Variants in SV2B observed in about 807,000 individuals in gnomAD.
The protein encoded by SV2B is synaptic vesicle glycoprotein 2B.
A neutral mutation model predicts 73.9 loss-of-function variants in SV2B; 41 were observed. The observed-to-expected ratio is 0.56, with a 90% CI of 0.43 to 0.72. SV2B has a LOEUF of 0.72. Ranked by LOEUF, SV2B falls within the 30% of genes least tolerant of loss-of-function variation. The pLI is 0.00. For missense variants in SV2B, 764 were observed against 857.8 expected (o/e 0.89, Z 1.37); for synonymous variants, 314 against 314.2 (o/e 1.00, Z 0.01).
At chr15:91,211,346 T>C (rs2045852565) in intron 1 of SV2B, among the ~76,000 whole-genome samples, 1 of 152,190 alleles carries the variant, frequency 6.6e-6, no homozygotes, top group Admixed American at 6.5e-5. Flanking sequence ...TGTGGCCTTC[T>C]CTTTGATGAC....
chr15:91,153,741 G>C (rs982473366), intron 1 of SV2B, among the ~76,000 whole-genome samples: 2 of 149,832 alleles, frequency 1.3e-5, no homozygotes, highest in African/African-American at 4.9e-5. Flanking sequence ...GACTGCTGAG[G>C]GTCAGTTCCT....
chr15:91,292,201 T>C (rs1259307130), intron 12 of SV2B, among the ~76,000 whole-genome samples, 168 bp from the exon 13 acceptor site: 1 of 152,176 alleles, frequency 6.6e-6, no homozygotes, highest in African/African-American at 2.4e-5. Flanking sequence ...ATCTTTATAT[T>C]ATTCTGTATT....
chr15:91,103,041 A>G (rs1000483207), intron 1 of SV2B, among the ~76,000 whole-genome samples: 1 of 152,164 alleles, frequency 6.6e-6, no homozygotes, highest in East Asian at 1.9e-4. Context: ...CACGGCAGGT[A>G]TTTGAGATAT....
At chr15:91,170,652 A>T (rs997071627) in intron 1 of SV2B, among the ~76,000 whole-genome samples, 2 of 152,224 alleles carry the variant, frequency 1.3e-5, no homozygotes, top group African/African-American at 4.8e-5. Flanking sequence ...TACATTAAAA[A>T]TATCTGACTG....
At chr15:91,266,185 AC>A (rs1218951911) in intron 6 of SV2B, among the ~76,000 whole-genome samples, 1 of 151,192 alleles carries the variant, frequency 6.6e-6, no homozygotes, top group Non-Finnish European at 1.5e-5. Flanking sequence ...AAAAAACAAA[AC>A]CCCCCACTGT....
chr15:91,155,365 C>T (rs2043452511), intron 1 of SV2B, among the ~76,000 whole-genome samples: 1 of 152,200 alleles, frequency 6.6e-6, no homozygotes, highest in Non-Finnish European at 1.5e-5. Flanking sequence ...CCAGTTCTTT[C>T]CCAGCTTAGC....
chr15:91,149,808 G>T (rs572817637), intron 1 of SV2B, among the ~76,000 whole-genome samples: 6 of 152,164 alleles, frequency 3.9e-5, no homozygotes, highest in African/African-American at 1.4e-4. Flanking sequence ...ACTGGTACCT[G>T]TTCCATGATA....
chr15:91,200,570 T>C (rs1162893963), intron 1 of SV2B, among the ~76,000 whole-genome samples: 1 of 152,094 alleles, frequency 6.6e-6, no homozygotes, highest in African/African-American at 2.4e-5. Flanking sequence ...GACAGGTGCA[T>C]GAGAAGGTCA....
chr15:91,192,225 C>T (rs1258988328), intron 1 of SV2B, among the ~76,000 whole-genome samples: 3 of 152,126 alleles, frequency 2.0e-5, no homozygotes, highest in Non-Finnish European at 2.9e-5. Context: ...CACTGTTTGT[C>T]CTAAAAATTA....
At chr15:91,173,680 C>T (rs568307800) in intron 1 of SV2B, among the ~76,000 whole-genome samples, 63 of 152,310 alleles carry the variant, frequency 4.1e-4, no homozygotes, top group Admixed American at 7.2e-4. Flanking sequence ...GAGAAATGTT[C>T]CCAGTCTGTT....
rs562519550 is a variant in SV2B, at chr15:91,109,648, T to C, written c.-392+9285T>C. Among the ~76,000 whole-genome samples the C allele has an allele frequency of 5.3e-5, 8 of 152,320 alleles. No individual in the cohort carries two copies. In the South Asian group the frequency reaches 1.5e-3, roughly 28 times the overall value. On this transcript the variant is annotated intron_variant, in intron 1 of 12. Transcript: ENST00000394232. ...ATGCTCAAGTCAATGAAGACCTTAA[T>C]TGAACTGTAGGATCTTACAGTTTCA...
Position 91,132,367 on chromosome 15 carries a change from T to G in SV2B, c.-392+32004T>G, listed in dbSNP as rs2042680871. On this transcript the variant is annotated intron_variant, in intron 1 of 12. Coordinates refer to ENST00000394232, the MANE Select transcript of SV2B (RefSeq NM_001323032.3). The surrounding 1 kb of genome is among the most constrained non-coding windows in gnomAD (Gnocchi z 4.6). The stretch of plus-strand genomic sequence containing the variant: ...GTCACACACCTGTGCAAACATTGGT[T>G]GCAAAAACAATCAGGGGTTAGGGTG... Among the ~76,000 whole-genome samples the G allele has an allele frequency of 6.6e-6, 1 of 152,200 alleles. No homozygotes were observed. The highest frequency in any genetic ancestry group is 6.5e-5 in the Admixed American group (1 of 15,280).
intron 2 of SV2B, among the ~76,000 whole-genome samples, chr15:91,243,424 A>G (rs2047100259): frequency 6.6e-6 from 1 of 152,206 alleles, no homozygotes; most frequent in Admixed American, 6.5e-5. Context: ...ATCTGTCTTA[A>G]TGCCTCTTCT....
At position 91,115,420 on chromosome 15, in the gene SV2B, G is replaced by A. The variant is rs960964731; in HGVS notation, c.-392+15057G>A. ...AGAGTCTTGCTCTGTTACTCAGGTTGGAGTACAGTAGTGTGATCTTGGCTC... is the reference window on the plus strand; with the variant it reads ...AGAGTCTTGCTCTGTTACTCAGGTTAGAGTACAGTAGTGTGATCTTGGCTC... On this transcript the variant is annotated intron_variant, in intron 1 of 12. Transcript: ENST00000394232. The surrounding 1 kb of genome is among the most constrained non-coding windows in gnomAD (Gnocchi z 4.3). Among the ~76,000 whole-genome samples, 1 of 151,812 alleles carries A rather than the reference G, an allele frequency of 6.6e-6. No individual in the cohort carries two copies. Among genetic ancestry groups the A allele is most frequent in the African/African-American group, 2.4e-5 (1 of 41,312 alleles).
chr15:91,257,204 C>G (rs115268432), intron 4 of SV2B, among the ~76,000 whole-genome samples: 275 of 152,188 alleles, frequency 1.8e-3, no homozygotes, highest in African/African-American at 6.5e-3. Flanking sequence ...GGAGCTATTT[C>G]TAAAAAAAAT....
rs762277824 is a variant in SV2B, at chr15:91,296,526, G to C, written c.*3974G>C. On this transcript the variant is annotated 3_prime_UTR_variant, in exon 13 of 13. Transcript: ENST00000394232. ...CACTCCTGCCTGATCATGGGCGCACGTTCCTTCTGCCTGATCGTTGGGAGC... is the reference window on the plus strand; with the variant it reads ...CACTCCTGCCTGATCATGGGCGCACCTTCCTTCTGCCTGATCGTTGGGAGC... The C allele has an allele frequency of 1.4e-5, 2 of 145,998 alleles. No homozygotes were observed. Among genetic ancestry groups the C allele is most frequent in the Non-Finnish European group, 1.5e-5 (1 of 67,014 alleles). The allele number at this position is 145,998 out of a possible 1,614,324, so 9.0% of individuals were successfully genotyped here.
intron 9 of SV2B, among the ~76,000 whole-genome samples, chr15:91,272,061 C>T (rs1166363264): frequency 6.6e-6 from 1 of 152,134 alleles, no homozygotes; most frequent in Non-Finnish European, 1.5e-5. Flanking sequence ...AATCTCTTTG[C>T]CCCCAAGAAG....
chr15:91,246,086 C>A (rs566265443), intron 2 of SV2B, among the ~76,000 whole-genome samples: 7 of 151,282 alleles, frequency 4.6e-5, no homozygotes, highest in African/African-American at 1.7e-4. Flanking sequence ...AAAAAAAATC[C>A]CCCCTTCAAA....
In SV2B at chr15:91,299,101, CATAT is replaced by C. The variant is rs753258789; in HGVS notation, c.*6555_*6558del. ...AAATGTGGGTGTGTATATATACATA[CATAT>C]ATATACACACACACATTATGTTATA... On this transcript the variant is annotated 3_prime_UTR_variant, in exon 13 of 13. Transcript: ENST00000394232. The C allele has an allele frequency of 6.6e-6, 1 of 151,910 alleles. No homozygotes were observed. Among genetic ancestry groups the C allele is most frequent in the Non-Finnish European group, 1.5e-5 (1 of 67,976 alleles). 9.4% of individuals were successfully genotyped at this position (151,910 alleles called of 1,614,324 possible).
Sources: allele counts gnomAD v4.1 joint callset (sites outside exome capture counted in the v4.1 genomes callset), GRCh38; gene constraint gnomAD v4.1.1; non-coding constraint Gnocchi (gnomAD v3.1); transcripts MANE v1.5; gene names NCBI Gene and HGNC (gene_info 2026-07-23, HGNC 2026-07-21).